Variants in FILIP1 observed in about 807,000 individuals in gnomAD.
The protein encoded by FILIP1 is filamin A interacting protein 1, also known as filamin-A-interacting protein 1.
A neutral mutation model predicts 102.1 loss-of-function variants in FILIP1; 61 were observed. The observed-to-expected ratio is 0.60, with a 90% CI of 0.49 to 0.74. The LOEUF (loss-of-function observed/expected upper bound fraction) is 0.74, where lower values mean the gene tolerates loss of function less well. FILIP1 is among the 30% of genes least tolerant of loss of function. FILIP1 has a pLI of 0.00. For synonymous variants in FILIP1, 491 were observed against 526.9 expected (o/e 0.93, Z 0.93); for missense variants, 1,314 against 1,441.2 (o/e 0.91, Z 1.43).
intron 1 of FILIP1, among the ~76,000 whole-genome samples, chr6:75,419,785 C>A (rs963335876): frequency 6.6e-6 from 1 of 152,124 alleles, no homozygotes. Context: ...TTCCTGTGTG[C>A]GTTATCTTAT....
At position 75,483,855 on chromosome 6, in the gene FILIP1, C is replaced by T. The variant is rs186189544; in HGVS notation, c.-7+9559G>A. Among the ~76,000 whole-genome samples the T allele has an allele frequency of 2.0e-5, 3 of 152,224 alleles. No individual in the cohort carries two copies. In the East Asian group the frequency reaches 5.8e-4, roughly 29 times the overall value. On this transcript the variant is annotated intron_variant, in intron 1 of 5. Transcript: ENST00000237172. ...GGGGAGTCCAATTGCCTGGACTCAT[C>T]CCAGACTTGCCACCTGCTTGCTGGG...
chr6:75,332,398 A>G (rs1774113181), intron 4 of FILIP1, among the ~76,000 whole-genome samples: 1 of 152,196 alleles, frequency 6.6e-6, no homozygotes, highest in African/African-American at 2.4e-5. Context: ...GAATTTACCT[A>G]ATAATTTTCA....
Position 75,374,078 on chromosome 6 carries a change from C to A in FILIP1, c.277-11161G>T, listed in dbSNP as rs1399165819. On this transcript the variant is annotated intron_variant, in intron 2 of 5. Coordinates refer to ENST00000237172, the MANE Select transcript of FILIP1 (RefSeq NM_015687.5). The stretch of plus-strand genomic sequence containing the variant: ...TTCCTGTGATTAGTCATCTGAATGT[C>A]ACTGTCATCCACGGATTTGAATGCA... Among the ~76,000 whole-genome samples, 6 of 152,170 alleles carry A rather than the reference C, an allele frequency of 3.9e-5. No individual in the cohort carries two copies. In the South Asian group the frequency reaches 1.2e-3, roughly 31 times the overall value.
At chr6:75,471,321 C>A (rs1478663568) in intron 1 of FILIP1, among the ~76,000 whole-genome samples, 13 of 151,820 alleles carry the variant, frequency 8.6e-5, no homozygotes, top group Non-Finnish European at 1.5e-5. Context: ...ATCAATAAAT[C>A]ATTTAAAGAA....
At chr6:75,353,324 G>A (rs1177768887) in intron 4 of FILIP1, among the ~76,000 whole-genome samples, 4 of 152,086 alleles carry the variant, frequency 2.6e-5, no homozygotes, top group South Asian at 2.1e-4. Context: ...GGAATGTGAC[G>A]CCCTACCTAT....
intron 2 of FILIP1, among the ~76,000 whole-genome samples, chr6:75,413,876 T>A (rs566775809): frequency 1.7e-4 from 26 of 150,314 alleles, no homozygotes; most frequent in African/African-American, 6.4e-4. Flanking sequence ...CCTGCCTGCC[T>A]CCTGGGTCCC....
At chr6:75,326,025 G>A (rs1453238966) in intron 4 of FILIP1, among the ~76,000 whole-genome samples, 3 of 151,988 alleles carry the variant, frequency 2.0e-5, no homozygotes, top group East Asian at 1.9e-4. Flanking sequence ...ATCAACCAAC[G>A]AGTGGATAAA....
In FILIP1 at chr6:75,336,504, T is replaced by C. The variant is rs542287491; in HGVS notation, c.629+17035A>G. On this transcript the variant is annotated intron_variant, in intron 4 of 5. Coordinates refer to ENST00000237172, the MANE Select transcript of FILIP1 (RefSeq NM_015687.5). ...AATTTTGACAGGCAACATAAACCCA[T>C]GTGAAAAAAAAAAGGGAATCAAGGG... Among the ~76,000 whole-genome samples, 29 of 151,124 alleles carry C rather than the reference T, an allele frequency of 1.9e-4. 1 individual carries two copies. In the South Asian group the frequency reaches 6.1e-3, roughly 32 times the overall value.
At chr6:75,483,112 A>G (rs146557779) in intron 1 of FILIP1, among the ~76,000 whole-genome samples, 7 of 152,312 alleles carry the variant, frequency 4.6e-5, no homozygotes, top group Admixed American at 3.3e-4. Flanking sequence ...CAACACACAT[A>G]CATTTTTCTC....
At chr6:75,403,497 A>G (rs959552441) in intron 2 of FILIP1, among the ~76,000 whole-genome samples, 5 of 136,424 alleles carry the variant, frequency 3.7e-5, no homozygotes, top group Admixed American at 2.4e-4. Context: ...TGGGCAACAA[A>G]GCAAGACTCT....
chr6:75,387,926 C>A (rs1455447310), intron 2 of FILIP1, among the ~76,000 whole-genome samples: 3 of 152,106 alleles, frequency 2.0e-5, no homozygotes, highest in Non-Finnish European at 4.4e-5. Context: ...GTTGCCATTG[C>A]TTTTGGTGTT....
At chr6:75,317,740 TCAC>T (rs1384187378) in intron 4 of FILIP1, among the ~76,000 whole-genome samples, 1 of 152,184 alleles carries the variant, frequency 6.6e-6, no homozygotes, top group Non-Finnish European at 1.5e-5. Context: ...CTATTCTCTT[TCAC>T]CACATCTTAA....
rs1385182385 is a variant in FILIP1 at position 75,415,056 on chromosome 6, T to C, written c.-6-78A>G. The stretch of plus-strand genomic sequence containing the variant: ...ATTTTTGCCTAAATACTTAGAAACT[T>C]ATAGCAGCTTTACCACATCGCCAAT... On this transcript the variant is annotated intron_variant, in intron 1 of 5. Coordinates refer to ENST00000237172, the MANE Select transcript of FILIP1 (RefSeq NM_015687.5). 3.0e-6 allele frequency: 4 copies of C among 1,345,626 alleles called. No individual in the cohort carries two copies. The African/African-American group carries it at 5.9e-5, about 20-fold the overall frequency. The allele number at this position is 1,345,626 out of a possible 1,614,324, so 83.4% of individuals were successfully genotyped here.
At chr6:75,483,511 A>C (rs1418734572) in intron 1 of FILIP1, among the ~76,000 whole-genome samples, 1 of 152,188 alleles carries the variant, frequency 6.6e-6, no homozygotes, top group Non-Finnish European at 1.5e-5. Flanking sequence ...GTAAGGCATA[A>C]AATATTATAT....
intron 4 of FILIP1, among the ~76,000 whole-genome samples, chr6:75,348,353 G>T (rs979667485): frequency 6.6e-6 from 1 of 152,012 alleles, no homozygotes; most frequent in Admixed American, 6.6e-5. Flanking sequence ...TTACCCAGCC[G>T]GAATTAATAC....
At chr6:75,331,967 C>G (rs1307927733) in intron 4 of FILIP1, among the ~76,000 whole-genome samples, 2 of 152,142 alleles carry the variant, frequency 1.3e-5, no homozygotes, top group African/African-American at 4.8e-5. Flanking sequence ...CCAGAGGGCT[C>G]TCACACATGA....
At chr6:75,365,259 T>C (rs994181024) in intron 2 of FILIP1, among the ~76,000 whole-genome samples, 3 of 152,110 alleles carry the variant, frequency 2.0e-5, no homozygotes, top group Non-Finnish European at 2.9e-5. Context: ...GTTTGTACCA[T>C]AAATTGAGAT....
chr6:75,447,741 T>C (rs1778486511), intron 1 of FILIP1, among the ~76,000 whole-genome samples: 1 of 152,128 alleles, frequency 6.6e-6, no homozygotes, highest in South Asian at 2.1e-4. Context: ...CTCAAGACCT[T>C]TTCAGTGTGC....
rs533244309 is a variant in FILIP1, at chr6:75,350,326, C to T, written c.629+3213G>A. ...TCTCTTAGTGAATTCTTATCTAAAA[C>T]GTGAAAGTTTGGTGACATATCCCAG... On this transcript the variant is annotated intron_variant, in intron 4 of 5. Transcript: ENST00000237172. Among the ~76,000 whole-genome samples the T allele has an allele frequency of 5.3e-5, 8 of 151,096 alleles. No homozygotes were observed. The East Asian group carries it at 5.8e-4, about 11-fold the overall frequency.
Sources: gnomAD v4.1 joint callset for allele counts (sites outside exome capture counted in the v4.1 genomes callset) on GRCh38, gnomAD v4.1.1 for gene constraint, MANE v1.5 for transcripts, NCBI Gene and HGNC (gene_info 2026-07-23, HGNC 2026-07-21) for gene names.